ALK: variants seen among roughly 807,000 people sequenced by gnomAD.
The protein encoded by ALK is ALK receptor tyrosine kinase, also known as ALK tyrosine kinase receptor.
ALK carries 74 observed loss-of-function variants against 163.1 expected under a neutral mutation model. The ratio of observed to expected loss-of-function variants is 0.45; its 90% CI spans 0.38 to 0.55. The LOEUF (loss-of-function observed/expected upper bound fraction) is 0.55. Ranked by LOEUF, ALK falls within the 20% of genes least tolerant of loss-of-function variation. The pLI, the probability that ALK is intolerant of heterozygous loss-of-function variation, is 0.00. For synonymous variants in ALK, 960 were observed against 843.2 expected (o/e 1.14, Z -2.40); for missense variants, 2,063 against 2,105.3 (o/e 0.98, Z 0.39).
At chr2:29,807,123 G>A (rs2148368924) in intron 1 of ALK, among the ~76,000 whole-genome samples, 1 of 152,318 alleles carries the variant, frequency 6.6e-6, no homozygotes, top group Non-Finnish European at 1.5e-5. Context: ...CCCACAAATA[G>A]TGCCTTGAGT....
intron 1 of ALK, among the ~76,000 whole-genome samples, chr2:29,843,686 C>A (rs141410230): frequency 0.013 from 1,935 of 152,244 alleles, 42 homozygotes; most frequent in African/African-American, 0.044. Context: ...AGGACAAAAC[C>A]TCCCATAATT....
chr2:29,480,790 TAAAAAA>T (rs11289018), intron 4 of ALK, among the ~76,000 whole-genome samples: 1 of 74,548 alleles, frequency 1.3e-5, no homozygotes. Flanking sequence ...ACAGACATCT[TAAAAAA>T]AAAAAAAAAA....
In ALK at chr2:29,757,422, A is replaced by T. The variant is rs185961800; in HGVS notation, c.668-39725T>A. Among the ~76,000 whole-genome samples, 187 of 152,354 alleles carry T rather than the reference A, an allele frequency of 1.2e-3. 3 individuals are homozygous for T. The highest frequency in any genetic ancestry group is 2.4e-3 in the Non-Finnish European group (164 of 68,038). ...GCGGAGCTGAGATACGAACCCAGGC[A>T]GTGTGATCCAGAGCTCATACTCCTG... On this transcript the variant is annotated intron_variant, in intron 1 of 28. Transcript: ENST00000389048.
chr2:29,275,131 G>A lies in ALK; in HGVS notation c.2009C>T (p.Ser670Leu), dbSNP rs1665499380. ...GTCAAAGATGGGGGTCTGTCTTGGTGAATTTTCCCCGGGTTTCAGCTCCTT... is the reference window on the plus strand; with the variant it reads ...GTCAAAGATGGGGGTCTGTCTTGGTAAATTTTCCCCGGGTTTCAGCTCCTT... ...PNKELKPGEN[S>L]PRQTPIFDPT... The change falls in exon 11 of 29, where the codon TCA (serine) becomes TTA (leucine). Residue 670 changes from serine (S) to leucine (L), a missense_variant. This residue lies in a region of ALK where 987 missense variants were observed against 939.5 expected (regional missense o/e 1.05). Transcript: ENST00000389048. 6.2e-7 allele frequency: 1 copy of A among 1,614,158 alleles called. No individual in the cohort carries two copies. Among genetic ancestry groups the A allele is most frequent in the Admixed American group, 1.7e-5 (1 of 60,024 alleles).
At chr2:29,656,912 C>A (rs1300050056) in intron 3 of ALK, among the ~76,000 whole-genome samples, 1 of 152,182 alleles carries the variant, frequency 6.6e-6, no homozygotes, top group East Asian at 1.9e-4. Flanking sequence ...AACTCAGAAC[C>A]TTTTTTCCTG....
intron 3 of ALK, among the ~76,000 whole-genome samples, chr2:29,684,492 T>C (rs1332283802): frequency 1.3e-5 from 2 of 152,194 alleles, no homozygotes; most frequent in African/African-American, 4.8e-5. Flanking sequence ...GGATTGCATC[T>C]CTGTGTGGCC....
chr2:29,646,133 G>A (rs2148249804), intron 3 of ALK, among the ~76,000 whole-genome samples: 1 of 152,164 alleles, frequency 6.6e-6, no homozygotes, highest in African/African-American at 2.4e-5. Flanking sequence ...TCCCACATTA[G>A]AACCTAAATT....
chr2:29,864,588 T>C (rs137993126), intron 1 of ALK, among the ~76,000 whole-genome samples: 3 of 152,368 alleles, frequency 2.0e-5, no homozygotes, highest in Non-Finnish European at 4.4e-5. Context: ...GTCTGGCACA[T>C]AGTCAACAAA....
chr2:29,615,279 C>A (rs1341209282), intron 3 of ALK, among the ~76,000 whole-genome samples: 1 of 152,172 alleles, frequency 6.6e-6, no homozygotes, highest in Admixed American at 6.5e-5. Flanking sequence ...GCCCCCGCAC[C>A]CCTGACTCTT....
At chr2:29,850,643 A>G (rs999326674) in intron 1 of ALK, among the ~76,000 whole-genome samples, 1 of 152,178 alleles carries the variant, frequency 6.6e-6, no homozygotes, top group Admixed American at 6.5e-5. Flanking sequence ...TGGGGTCAAG[A>G]TAGTCTGGGG....
chr2:29,422,480 A>T (rs553657814), intron 4 of ALK, among the ~76,000 whole-genome samples: 2 of 147,108 alleles, frequency 1.4e-5, no homozygotes, highest in Non-Finnish European at 2.9e-5. Context: ...AAAAGCCACA[A>T]TTACTTTTGC....
At chr2:29,567,234 T>C (rs1674218128) in intron 3 of ALK, among the ~76,000 whole-genome samples, 1 of 152,176 alleles carries the variant, frequency 6.6e-6, no homozygotes, top group African/African-American at 2.4e-5. Flanking sequence ...GCGTCAGCAT[T>C]CTTGCAGCAT....
chr2:29,917,268 T>C (rs561702221), intron 1 of ALK, among the ~76,000 whole-genome samples: 10 of 152,286 alleles, frequency 6.6e-5, no homozygotes, highest in South Asian at 2.1e-4. Context: ...ATCAGCATCA[T>C]TGTGTACCTC....
intron 1 of ALK, among the ~76,000 whole-genome samples, chr2:29,873,696 C>A (rs1377168687): frequency 6.6e-6 from 1 of 152,008 alleles, no homozygotes; most frequent in Admixed American, 6.5e-5. Context: ...GAAGCAGATG[C>A]CTCATCGTGG....
intron 4 of ALK, among the ~76,000 whole-genome samples, chr2:29,476,655 C>T (rs1000390358): frequency 1.3e-5 from 2 of 151,886 alleles, no homozygotes; most frequent in Admixed American, 6.6e-5. Context: ...TGTGCTTCCC[C>T]GACAAGGCAC....
chr2:29,568,164 C>T (rs1674247857), intron 3 of ALK, among the ~76,000 whole-genome samples: 1 of 152,214 alleles, frequency 6.6e-6, no homozygotes, highest in South Asian at 2.1e-4. Flanking sequence ...CCGCCCTCTT[C>T]AGAAATGGCT....
intron 1 of ALK, among the ~76,000 whole-genome samples, chr2:29,749,340 G>A (rs1178570276): frequency 6.6e-6 from 1 of 152,150 alleles, no homozygotes; most frequent in Non-Finnish European, 1.5e-5. Flanking sequence ...ATCACCAGAG[G>A]AGCTTTTCAA....
intron 3 of ALK, among the ~76,000 whole-genome samples, chr2:29,645,246 T>G (rs1479821391): frequency 6.6e-6 from 1 of 152,070 alleles, no homozygotes; most frequent in Non-Finnish European, 1.5e-5. Context: ...TTAATGAGAG[T>G]CTGGAAATCT....
At chr2:29,423,673 A>C (rs1450235782) in intron 4 of ALK, among the ~76,000 whole-genome samples, 2 of 152,266 alleles carry the variant, frequency 1.3e-5, no homozygotes, top group African/African-American at 4.8e-5. Context: ...ACAGGCAAGA[A>C]TAATGATACC....
Sources: gnomAD v4.1 joint callset for allele counts (sites outside exome capture counted in the v4.1 genomes callset) on GRCh38, gnomAD v4.1.1 for gene constraint, gnomAD v4.1.1 regional missense constraint, MANE v1.5 for transcripts, NCBI Gene and HGNC (gene_info 2026-07-23, HGNC 2026-07-21) for gene names.